Variants in LEF1 observed in about 807,000 individuals in gnomAD.
LEF1 encodes lymphoid enhancer binding factor 1, also known as lymphoid enhancer-binding factor 1.
Under a neutral mutation model 51.2 loss-of-function variants are expected in LEF1, and 14 were observed. That is an observed-to-expected ratio of 0.27 (90% confidence interval 0.18 to 0.43). The LOEUF (loss-of-function observed/expected upper bound fraction) is 0.43. LEF1 is among the 20% of genes least tolerant of loss of function. LEF1 has a pLI of 1.00. For synonymous variants in LEF1, 185 were observed against 183.2 expected (o/e 1.01, Z -0.08); for missense variants, 386 against 512.0 (o/e 0.75, Z 2.37).
intron 3 of LEF1, among the ~76,000 whole-genome samples, chr4:108,144,848 G>C (rs1743895655): frequency 3.0e-5 from 2 of 66,092 alleles, no homozygotes; most frequent in Non-Finnish European, 5.3e-5. Context: ...GTACAGCAAA[G>C]AATTGACCCA....
At chr4:108,133,180 GT>G (rs1428251437) in intron 3 of LEF1, among the ~76,000 whole-genome samples, 1 of 151,990 alleles carries the variant, frequency 6.6e-6, no homozygotes, top group Non-Finnish European at 1.5e-5. Context: ...CACCATGTTG[GT>G]CAGGCTGGTC....
intron 3 of LEF1, among the ~76,000 whole-genome samples, chr4:108,111,236 C>A (rs1741511419): frequency 6.6e-6 from 1 of 152,200 alleles, no homozygotes; most frequent in South Asian, 2.1e-4. Flanking sequence ...TGCCTTCCTT[C>A]CATTCCCACT....
chr4:108,120,567 A>T (rs1742110684), intron 3 of LEF1, among the ~76,000 whole-genome samples: 1 of 152,212 alleles, frequency 6.6e-6, no homozygotes, highest in Non-Finnish European at 1.5e-5. Flanking sequence ...TGCAATGTGG[A>T]ATCTGAAACC....
chr4:108,126,951 T>C (rs1477446320), intron 3 of LEF1, among the ~76,000 whole-genome samples: 3 of 152,078 alleles, frequency 2.0e-5, no homozygotes, highest in Admixed American at 6.6e-5. Flanking sequence ...AGAATCTGTA[T>C]GTAATCTAAT....
chr4:108,093,709 G>A (rs2110278114), intron 3 of LEF1, among the ~76,000 whole-genome samples: 1 of 152,196 alleles, frequency 6.6e-6, no homozygotes, highest in Admixed American at 6.5e-5. Flanking sequence ...TCTCAGGCAG[G>A]TGATTGGTGG....
At chr4:108,099,606 A>G (rs1409171607) in intron 3 of LEF1, among the ~76,000 whole-genome samples, 15 of 124,754 alleles carry the variant, frequency 1.2e-4, no homozygotes, top group South Asian at 2.5e-4. Flanking sequence ...ATATATATAT[A>G]TATATATATA....
chr4:108,102,063 CAAAA>C (rs5860893), intron 3 of LEF1, among the ~76,000 whole-genome samples: 2 of 77,790 alleles, frequency 2.6e-5, no homozygotes, highest in Non-Finnish European at 3.0e-5. Flanking sequence ...AACCCGGTCT[CAAAA>C]AAAAAAAAAA....
At chr4:108,146,634 T>C (rs1472366389) in intron 3 of LEF1, among the ~76,000 whole-genome samples, 2 of 152,244 alleles carry the variant, frequency 1.3e-5, no homozygotes, top group Non-Finnish European at 2.9e-5. Flanking sequence ...GCATTTCAGA[T>C]TTCATTTCAG....
chr4:108,165,065 T>C (rs1357006308), intron 2 of LEF1, 32 bp downstream of exon 2: 1 of 1,603,178 alleles, frequency 6.2e-7, no homozygotes, highest in South Asian at 1.1e-5. Context: ...CCTTATCTGC[T>C]AAAGTCAGAA....
intron 3 of LEF1, among the ~76,000 whole-genome samples, chr4:108,103,587 G>A (rs888786281): frequency 7.2e-5 from 11 of 152,088 alleles, no homozygotes; most frequent in African/African-American, 2.7e-4. Context: ...TGATTTCACC[G>A]GAATTTGGAT....
intron 3 of LEF1, among the ~76,000 whole-genome samples, chr4:108,157,852 GC>G (rs1744827122): frequency 1.3e-5 from 2 of 152,326 alleles, no homozygotes; most frequent in East Asian, 3.9e-4. Context: ...TACAGGTTTA[GC>G]TACAGTGGGT....
chr4:108,159,647 A>C (rs1744945163), intron 3 of LEF1, among the ~76,000 whole-genome samples: 1 of 152,236 alleles, frequency 6.6e-6, no homozygotes, highest in South Asian at 2.1e-4. Flanking sequence ...AGATGTGAAC[A>C]ATGACAAAAT....
chr4:108,099,496 G>A (rs1327764280), intron 3 of LEF1, among the ~76,000 whole-genome samples: 2 of 140,158 alleles, frequency 1.4e-5, no homozygotes, highest in Non-Finnish European at 3.1e-5. Flanking sequence ...CTATACACAT[G>A]TATGTATATA....
chr4:108,073,827 C>T (rs918199556), intron 8 of LEF1, among the ~76,000 whole-genome samples: 1 of 151,430 alleles, frequency 6.6e-6, no homozygotes, highest in Non-Finnish European at 1.5e-5. Flanking sequence ...CTGATAACCC[C>T]CCCCCCTTTT....
chr4:108,054,265 G>A (rs1737184047), intron 11 of LEF1, among the ~76,000 whole-genome samples: 1 of 152,228 alleles, frequency 6.6e-6, no homozygotes, highest in Admixed American at 6.5e-5. Flanking sequence ...CTCATCAGGT[G>A]CGCTGCGGGA....
intron 3 of LEF1, among the ~76,000 whole-genome samples, chr4:108,127,672 C>G (rs190151632): frequency 6.6e-6 from 1 of 151,926 alleles, no homozygotes; most frequent in African/African-American, 2.4e-5. Context: ...CTTATTTAAG[C>G]GGAAAATAAA....
At chr4:108,089,345 A>T in intron 3 of LEF1, 88 bp from the exon 4 acceptor site, 1 of 1,397,836 alleles carries the variant, frequency 7.2e-7, no homozygotes, top group South Asian at 1.3e-5. Context: ...CAGCAGCAGT[A>T]ACCAGTCATC....
At chr4:108,131,707 CT>C (rs1280398700) in intron 3 of LEF1, among the ~76,000 whole-genome samples, 5 of 152,102 alleles carry the variant, frequency 3.3e-5, no homozygotes, top group South Asian at 2.1e-4. Context: ...GGAAACATAA[CT>C]TTTTTTTAGT....
chr4:108,123,589 C>T (rs923591011), intron 3 of LEF1, among the ~76,000 whole-genome samples: 4 of 151,792 alleles, frequency 2.6e-5, no homozygotes, highest in Admixed American at 6.6e-5. Flanking sequence ...ACTTTCAGTC[C>T]GCTCATGGAT....
Sources: allele counts gnomAD v4.1 joint callset (sites outside exome capture counted in the v4.1 genomes callset), GRCh38; gene constraint gnomAD v4.1.1; transcripts MANE v1.5; gene names NCBI Gene and HGNC (gene_info 2026-07-23, HGNC 2026-07-21).